The following ACYP2 variants were observed in gnomAD, a reference collection of about 807,000 sequenced individuals.
ACYP2 encodes the protein acylphosphatase 2, also known as acylphosphatase-2.
ACYP2 carries 12 observed loss-of-function variants against 11.2 expected under a neutral mutation model. That is an observed-to-expected ratio of 1.08 (90% confidence interval 0.69 to 1.74). The LOEUF (loss-of-function observed/expected upper bound fraction) is 1.74, where lower values mean the gene tolerates loss of function less well. ACYP2 is among the 40% of genes most tolerant of loss of function. The pLI, the probability that ACYP2 is intolerant of heterozygous loss-of-function variation, is 0.00. For synonymous variants in ACYP2, 43 were observed against 32.2 expected (o/e 1.33, Z -1.13); for missense variants, 134 against 101.9 (o/e 1.31, Z -1.35).
Position 54,138,648 on chromosome 2 carries a change from G to T in ACYP2, c.304G>T (p.Asp102Tyr), listed in dbSNP as rs1429802676. ...TTTTTTCCTGAAACAGTATACAGAA[G>T]ATGAAGCTAGGAAAATAGGAGTGGT... Residue 102 changes from aspartate (D) to tyrosine (Y), a missense_variant, in exon 6 of 7, where the codon GAT becomes TAT. Asp to Tyr is a radical substitution (Grantham distance 160, BLOSUM62 -3). Coordinates refer to ENST00000607452, the MANE Select transcript of ACYP2 (RefSeq NM_001320586.2). The T allele has an allele frequency of 1.9e-6, 3 of 1,613,634 alleles. No individual in the cohort carries two copies. The highest frequency in any genetic ancestry group is 1.3e-5 in the African/African-American group (1 of 74,918).
chr2:54,164,938 C>A (rs1682886222), intron 6 of ACYP2, among the ~76,000 whole-genome samples: 1 of 152,166 alleles, frequency 6.6e-6, no homozygotes, highest in Non-Finnish European at 1.5e-5. Context: ...TCAGCTCCCG[C>A]TTATGAGTGA....
At chr2:53,985,230 C>T (rs1267785754) in intron 2 of ACYP2, among the ~76,000 whole-genome samples, 1 of 151,932 alleles carries the variant, frequency 6.6e-6, no homozygotes, top group African/African-American at 2.4e-5. Context: ...CCGCCACGCC[C>T]AGTTAACTTT....
intron 2 of ACYP2, among the ~76,000 whole-genome samples, chr2:54,029,050 A>G (rs1287579314): frequency 6.6e-6 from 1 of 152,142 alleles, no homozygotes; most frequent in African/African-American, 2.4e-5. Context: ...TGTGGTCCCC[A>G]GCTACTCAGG....
chr2:54,222,064 G>A (rs1364820802), intron 6 of ACYP2, among the ~76,000 whole-genome samples: 1 of 152,116 alleles, frequency 6.6e-6, no homozygotes, highest in Non-Finnish European at 1.5e-5. Context: ...CATATGCCAG[G>A]TATTGCAAAG....
intron 2 of ACYP2, among the ~76,000 whole-genome samples, chr2:54,016,758 C>A (rs1388092242): frequency 7.0e-6 from 1 of 142,492 alleles, no homozygotes; most frequent in East Asian, 2.1e-4. Flanking sequence ...TGGGGTCTTG[C>A]TGTGTCGCTC....
At chr2:54,229,619 G>T (rs1327481763) in intron 6 of ACYP2, among the ~76,000 whole-genome samples, 1 of 152,034 alleles carries the variant, frequency 6.6e-6, no homozygotes, top group African/African-American at 2.4e-5. Context: ...TTCTGTGAAA[G>T]AGAAAAACAA....
chr2:54,013,398 C>G (rs919887256), intron 2 of ACYP2, among the ~76,000 whole-genome samples: 5 of 151,158 alleles, frequency 3.3e-5, no homozygotes, highest in Non-Finnish European at 7.4e-5. Flanking sequence ...CCTGCCAGGT[C>G]CAACCGATTC....
rs550142135 is a variant in ACYP2, at chr2:54,035,009, C to CAAAA, written c.63-15929_63-15926dup. On this transcript the variant is annotated intron_variant, in intron 2 of 6. Coordinates refer to ENST00000607452, the MANE Select transcript of ACYP2 (RefSeq NM_001320586.2). The stretch of plus-strand genomic sequence containing the variant: ...CAGGCGACAGTGCGAGACTACATCT[C>CAAAA]AAAAAAAAAAAAAAAAAAAAAAAGC... Among the ~76,000 whole-genome samples, 353 of 44,736 alleles carry CAAAA rather than the reference C, an allele frequency of 7.9e-3. 33 individuals are homozygous for CAAAA. In the East Asian group the frequency reaches 0.1, roughly 13 times the overall value. 29.3% of individuals were successfully genotyped at this position (44,736 alleles called of 152,430 possible).
rs183484080 is a variant in ACYP2, at chr2:54,188,822, C to T, written c.404+50074C>T. On this transcript the variant is annotated intron_variant, in intron 6 of 6. Transcript: ENST00000607452. ...CCCAGGATTGTGTGCTTGCCAGCAG[C>T]ACTGGCGTAGGCTTCACACTCCCGT... Among the ~76,000 whole-genome samples, 675 of 152,268 alleles carry T rather than the reference C, an allele frequency of 4.4e-3. 3 individuals are homozygous for T. The highest frequency in any genetic ancestry group is 6.1e-3 in the Admixed American group (94 of 15,288).
chr2:54,145,256 C>T (rs924464572), intron 6 of ACYP2, among the ~76,000 whole-genome samples: 5 of 151,930 alleles, frequency 3.3e-5, no homozygotes, highest in Non-Finnish European at 5.9e-5. Context: ...TTGTTAAATC[C>T]TTGTGATAAA....
intron 4 of ACYP2, among the ~76,000 whole-genome samples, chr2:54,130,988 A>G (rs1184000135): frequency 5.9e-5 from 9 of 152,184 alleles, no homozygotes; most frequent in African/African-American, 2.2e-4. Flanking sequence ...TGGATTTTAC[A>G]GCTCCAAATT....
Position 54,177,905 on chromosome 2 carries a change from AT to A in ACYP2, c.404+39174del, listed in dbSNP as rs1278343210. On this transcript the variant is annotated intron_variant, in intron 6 of 6. Coordinates refer to ENST00000607452, the MANE Select transcript of ACYP2 (RefSeq NM_001320586.2). Reference sequence around the variant, plus strand: ...TCCTGTTTCTTTTCTTTCTTTCTTTATTTTTTTTTTTTTTTTTGAGATGGAG... The same window carrying A: ...TCCTGTTTCTTTTCTTTCTTTCTTTATTTTTTTTTTTTTTTTGAGATGGAG... Among the ~76,000 whole-genome samples, 98 of 33,208 alleles carry A rather than the reference AT, an allele frequency of 3.0e-3. 1 individual carries two copies. In the South Asian group the frequency reaches 0.035, roughly 12 times the overall value. 21.8% of individuals were successfully genotyped at this position (33,208 alleles called of 152,430 possible). A position where few individuals can be genotyped will look rare whatever the true frequency, so the allele number is the denominator to read the frequency against.
intron 6 of ACYP2, among the ~76,000 whole-genome samples, chr2:54,197,874 G>T (rs1199745591): frequency 6.6e-6 from 1 of 151,966 alleles, no homozygotes; most frequent in Non-Finnish European, 1.5e-5. Context: ...TTTAAGCAGG[G>T]TTCAAGTGAT....
intron 2 of ACYP2, among the ~76,000 whole-genome samples, chr2:54,015,093 G>A (rs1473663510): frequency 2.0e-5 from 3 of 152,332 alleles, no homozygotes; most frequent in East Asian, 1.9e-4. Context: ...CTTGCTGGGC[G>A]TGGTAGCTCA....
chr2:54,119,298 C>A (rs1680004721), intron 4 of ACYP2, among the ~76,000 whole-genome samples: 1 of 151,848 alleles, frequency 6.6e-6, no homozygotes, highest in Non-Finnish European at 1.5e-5. Flanking sequence ...CTCAAGCAAG[C>A]CTCCCACCTC....
intron 4 of ACYP2, 102 bp from the exon 1 acceptor site, chr2:54,115,513 T>TC: frequency 6.9e-7 from 1 of 1,453,596 alleles, no homozygotes; most frequent in Non-Finnish European, 9.1e-7. Flanking sequence ...CCGGCTGCCC[T>TC]CGCTCCCAGG....
intron 4 of ACYP2, chr2:54,123,494 A>G (rs1572806938): frequency 2.5e-6 from 1 of 398,362 alleles, no homozygotes; most frequent in South Asian, 1.3e-4. Context: ...TATAATTTAC[A>G]TAACACTAAA....
At chr2:54,010,593 C>T (rs1432580897) in intron 2 of ACYP2, among the ~76,000 whole-genome samples, 1 of 151,748 alleles carries the variant, frequency 6.6e-6, no homozygotes, top group African/African-American at 2.4e-5. Context: ...CTACCATGTC[C>T]CCATAAAAAT....
chr2:54,193,211 A>G (rs1004336318), intron 6 of ACYP2, among the ~76,000 whole-genome samples: 1 of 152,196 alleles, frequency 6.6e-6, no homozygotes, highest in Non-Finnish European at 1.5e-5. Flanking sequence ...CTGTTTGTCA[A>G]GTACCGTACT....
Sources: gnomAD v4.1 joint callset for allele counts (sites outside exome capture counted in the v4.1 genomes callset) on GRCh38, gnomAD v4.1.1 for gene constraint, MANE v1.5 for transcripts, NCBI Gene and HGNC (gene_info 2026-07-23, HGNC 2026-07-21) for gene names.